The following AFF3 variants were observed in gnomAD, a reference collection of about 807,000 sequenced individuals.
The protein encoded by AFF3 is ALF transcription elongation factor 3, also known as AF4/FMR2 family member 3.
AFF3 carries 32 observed loss-of-function variants against 129.7 expected under a neutral mutation model. The ratio of observed to expected loss-of-function variants is 0.25; its 90% CI spans 0.19 to 0.33. The LOEUF is 0.33. Ranked by LOEUF, AFF3 falls within the 10% of genes least tolerant of loss-of-function variation. AFF3 has a pLI of 1.00. For missense variants in AFF3, 1,373 were observed against 1,592.0 expected, an observed-to-expected ratio of 0.86 and a Z score of 2.34; for synonymous variants, 644 against 635.4, an observed-to-expected ratio of 1.01 and a Z score of -0.20.
intron 11 of AFF3, among the ~76,000 whole-genome samples, chr2:99,698,070 A>G (rs1432930064): frequency 6.6e-6 from 1 of 152,166 alleles, no homozygotes; most frequent in African/African-American, 2.4e-5. Context: ...GGGCCACTGC[A>G]GAGCACTATG....
intron 7 of AFF3, among the ~76,000 whole-genome samples, chr2:99,960,306 A>G (rs919075619): frequency 3.9e-5 from 6 of 152,194 alleles, no homozygotes; most frequent in Non-Finnish European, 7.3e-5. Context: ...TTAAATAATA[A>G]TAATACGGGT....
At position 100,046,258 on chromosome 2, in the gene AFF3, A is replaced by T. The variant is rs1372094215; in HGVS notation, c.54-37326T>A. Among the ~76,000 whole-genome samples, 3 of 152,214 alleles carry T rather than the reference A, an allele frequency of 2.0e-5. No homozygotes were observed. The East Asian group carries it at 5.8e-4, about 29-fold the overall frequency. ...TACTCTATAGTGCTCACACACAAAC[A>T]GAATGAGGCACAAGAGAGGCCCAGT... On this transcript the variant is annotated intron_variant, in intron 4 of 24. Transcript: ENST00000672756.
chr2:99,779,447 T>A lies in AFF3; in HGVS notation c.922-27146A>T, dbSNP rs561695146. Among the ~76,000 whole-genome samples the A allele has an allele frequency of 9.7e-4, 147 of 152,312 alleles. 3 individuals are homozygous for A. The highest frequency in any genetic ancestry group is 6.8e-3 in the Middle Eastern group (2 of 294). ...TAATATTACATAGCAGTGTGGTGTTTCACATTTTTCAGGGAATTTTCACAA... is the reference window on the plus strand; with the variant it reads ...TAATATTACATAGCAGTGTGGTGTTACACATTTTTCAGGGAATTTTCACAA... On this transcript the variant is annotated intron_variant, in intron 8 of 24. Coordinates refer to ENST00000672756, the MANE Select transcript of AFF3 (RefSeq NM_001386135.1).
chr2:99,802,693 CTTTTTTTT>C (rs57516339), intron 8 of AFF3, among the ~76,000 whole-genome samples: 1 of 122,584 alleles, frequency 8.2e-6, no homozygotes. Context: ...CCTAGGGTGT[CTTTTTTTT>C]TTTTTTTTTT....
In AFF3 at chr2:99,565,542, G is replaced by A; in HGVS notation, c.3064C>T (p.Pro1022Ser). The A allele has an allele frequency of 1.2e-6, 2 of 1,614,138 alleles. No homozygotes were observed. Among genetic ancestry groups the A allele is most frequent in the Non-Finnish European group, 1.7e-6 (2 of 1,180,014 alleles). ...GTATAAGGAGATTTGGATTCCATGG[G>A]GCCTTGTTCCATTGCATTTCCACAC... ...IECGNAMEQGPMESKSPYTMY... is the reference protein window; with the variant it reads ...IECGNAMEQGSMESKSPYTMY... The change falls in exon 20 of 25, where the codon CCC becomes TCC. Residue 1022 changes from proline to serine, a missense_variant. Around this residue, in one of 9 missense-constraint regions of AFF3, gnomAD observed 65 missense variants for 102.1 expected, o/e 0.64. Transcript: ENST00000672756.
chr2:99,815,319 T>C (rs1687135646), intron 8 of AFF3, among the ~76,000 whole-genome samples: 1 of 152,242 alleles, frequency 6.6e-6, no homozygotes, highest in Non-Finnish European at 1.5e-5. Context: ...ATGTTCACAC[T>C]GTTGTACGAC....
intron 7 of AFF3, among the ~76,000 whole-genome samples, chr2:99,957,199 G>A (rs1003645857): frequency 4.0e-5 from 6 of 151,542 alleles, no homozygotes; most frequent in South Asian, 2.1e-4. Context: ...GTGTGTGCGC[G>A]CGCGCGCATT....
chr2:100,021,407 A>G (rs940932689), intron 4 of AFF3, among the ~76,000 whole-genome samples: 2 of 152,126 alleles, frequency 1.3e-5, no homozygotes, highest in African/African-American at 4.8e-5. Context: ...ATATGTGGTA[A>G]ATGAACGTTT....
intron 7 of AFF3, among the ~76,000 whole-genome samples, chr2:99,949,073 C>T (rs988717839): frequency 6.6e-6 from 1 of 152,104 alleles, no homozygotes; most frequent in Non-Finnish European, 1.5e-5. Context: ...CAGAACACCT[C>T]GAGATTTAAA....
At chr2:99,563,830 A>AAG (rs1553598457) in intron 20 of AFF3, among the ~76,000 whole-genome samples, 11 of 149,696 alleles carry the variant, frequency 7.3e-5, no homozygotes, top group African/African-American at 2.0e-4. Context: ...AAAAAAAAAA[A>AAG]AAAGAAAGAA....
chr2:100,068,948 A>C (rs915756873), intron 4 of AFF3, among the ~76,000 whole-genome samples: 11 of 151,756 alleles, frequency 7.2e-5, no homozygotes, highest in African/African-American at 9.7e-5. Context: ...TGGTAACCAA[A>C]CCTTGTATTT....
At chr2:99,946,605 G>A (rs560006603) in intron 7 of AFF3, among the ~76,000 whole-genome samples, 1 of 151,440 alleles carries the variant, frequency 6.6e-6, no homozygotes, top group East Asian at 1.9e-4. Flanking sequence ...CTCAGACATG[G>A]AGCTTCCCTA....
chr2:99,881,569 A>G (rs114607317), intron 7 of AFF3, among the ~76,000 whole-genome samples: 7 of 152,086 alleles, frequency 4.6e-5, no homozygotes, highest in African/African-American at 1.7e-4. Flanking sequence ...CTCCAGTACT[A>G]TGGGATTGGT....
At chr2:99,583,346 C>T (rs1407769087) in intron 16 of AFF3, among the ~76,000 whole-genome samples, 1 of 152,170 alleles carries the variant, frequency 6.6e-6, no homozygotes, top group Non-Finnish European at 1.5e-5. Context: ...AAGGAGCAAG[C>T]AGTGGGAAAG....
intron 4 of AFF3, among the ~76,000 whole-genome samples, chr2:100,079,241 T>C (rs1688850254): frequency 1.3e-5 from 2 of 152,310 alleles, no homozygotes; most frequent in Admixed American, 6.5e-5. Context: ...CCACAGTGCC[T>C]GGCCTTTTGC....
At chr2:99,612,918 C>T (rs937257496) in intron 13 of AFF3, among the ~76,000 whole-genome samples, 13 of 152,192 alleles carry the variant, frequency 8.5e-5, no homozygotes, top group African/African-American at 3.1e-4. Context: ...TAAAAATATA[C>T]ACACAGAGGA....
chr2:99,725,474 T>C (rs1045219283), intron 11 of AFF3, among the ~76,000 whole-genome samples: 4 of 152,092 alleles, frequency 2.6e-5, no homozygotes, highest in Non-Finnish European at 5.9e-5. Context: ...GGATTACAGG[T>C]GTCTGCCACC....
intron 2 of AFF3, among the ~76,000 whole-genome samples, chr2:100,117,265 T>C (rs947915143): frequency 6.6e-6 from 1 of 152,194 alleles, no homozygotes; most frequent in Non-Finnish European, 1.5e-5. Context: ...TTCAATTTTA[T>C]GCATGCTAGA....
intron 2 of AFF3, chr2:100,106,539 A>T: frequency 1.0e-6 from 1 of 997,090 alleles, no homozygotes; most frequent in Non-Finnish European, 1.2e-6. Flanking sequence ...TTGAGACAGC[A>T]TTCCCAGGAA....
Sources: allele counts gnomAD v4.1 joint callset (sites outside exome capture counted in the v4.1 genomes callset), GRCh38; gene constraint gnomAD v4.1.1; regional missense constraint gnomAD v4.1.1; transcripts MANE v1.5; gene names NCBI Gene and HGNC (gene_info 2026-07-23, HGNC 2026-07-21).